SCN2A: variants seen among roughly 807,000 people sequenced by gnomAD.
The protein encoded by SCN2A is sodium voltage-gated channel alpha subunit 2.
In SCN2A, 20 loss-of-function variants were observed where a neutral mutation model predicts 188.7. The observed-to-expected ratio is 0.11, with a 90% CI of 0.07 to 0.15. SCN2A has a LOEUF of 0.15. Among genes scored for constraint, SCN2A ranks in the 10% least tolerant of loss-of-function variants. The pLI is 1.00. For synonymous variants in SCN2A, 804 were observed against 833.1 expected (o/e 0.97, Z 0.60); for missense variants, 1,278 against 2,445.0 (o/e 0.52, Z 10.07).
At chr2:165,345,589 G>A (rs1459926361) in intron 16 of SCN2A, among the ~76,000 whole-genome samples, 1 of 147,622 alleles carries the variant, frequency 6.8e-6, no homozygotes, top group African/African-American at 2.5e-5. Flanking sequence ...TCCTCCATCC[G>A]TTTTTTTTGT....
chr2:165,284,063 C>G (rs1484584080), intron 1 of SCN2A, among the ~76,000 whole-genome samples: 4 of 152,056 alleles, frequency 2.6e-5, no homozygotes, highest in Admixed American at 6.6e-5. Context: ...CTCTCTTTCT[C>G]TCTCTCTCTC....
intron 1 of SCN2A, chr2:165,271,075 T>C (rs866728210): frequency 6.6e-6 from 1 of 152,138 alleles, no homozygotes; most frequent in South Asian, 2.1e-4. Flanking sequence ...TAAAAATCTG[T>C]TCAAGCTTGT....
At chr2:165,366,844 A>AC (rs1214616044) in intron 18 of SCN2A, among the ~76,000 whole-genome samples, 2 of 152,144 alleles carry the variant, frequency 1.3e-5, no homozygotes, top group African/African-American at 4.8e-5. Context: ...CCATTAAGTG[A>AC]ACTAATCAGA....
chr2:165,381,216 C>T lies in SCN2A; in HGVS notation c.4551+19C>T. 1 of 1,496,956 alleles carries T rather than the reference C, an allele frequency of 6.7e-7. No individual in the cohort carries two copies. The highest frequency in any genetic ancestry group is 9.2e-7 in the Non-Finnish European group (1 of 1,091,850). The allele number at this position is 1,496,956 out of a possible 1,614,324, so 92.7% of individuals were successfully genotyped here. A position where few individuals can be genotyped will look rare whatever the true frequency, so the allele number is the denominator to read the frequency against. ...ACCTGCTGTAAGAATAACATATTTT[C>T]ATTGCCTGTTAAAACTATATTACCT... On this transcript the variant is annotated intron_variant, in intron 25 of 26. Transcript: ENST00000375437.
At chr2:165,288,035 C>A (rs914617293) in intron 1 of SCN2A, among the ~76,000 whole-genome samples, 1 of 152,150 alleles carries the variant, frequency 6.6e-6, no homozygotes, top group Admixed American at 6.5e-5. Context: ...TTAACTCTCC[C>A]TCATTTGATT....
intron 1 of SCN2A, among the ~76,000 whole-genome samples, chr2:165,263,698 C>G (rs1321263904): frequency 1.3e-5 from 2 of 151,846 alleles, no homozygotes; most frequent in African/African-American, 4.8e-5. Context: ...ACTATGCGGG[C>G]TCTTTTTATT....
intron 3 of SCN2A, among the ~76,000 whole-genome samples, chr2:165,299,946 TTATC>T (rs1574534189): frequency 6.6e-6 from 1 of 152,244 alleles, no homozygotes; most frequent in African/African-American, 2.4e-5. Flanking sequence ...CAAAGAGCTG[TTATC>T]TATTAGGAGC....
At chr2:165,338,421 G>A (rs1351608630) in intron 14 of SCN2A, among the ~76,000 whole-genome samples, 2 of 151,908 alleles carry the variant, frequency 1.3e-5, no homozygotes, top group African/African-American at 4.8e-5. Flanking sequence ...CACCAAGCCT[G>A]GCTAATTTTG....
intron 23 of SCN2A, among the ~76,000 whole-genome samples, chr2:165,378,644 CCA>C (rs1461806404): frequency 6.6e-6 from 1 of 151,736 alleles, no homozygotes; most frequent in Non-Finnish European, 1.5e-5. Flanking sequence ...TACCCACTTT[CCA>C]CAGTGGTTCT....
Position 165,377,793 on chromosome 2 carries a change from C to A in SCN2A, c.4308+143C>A, listed in dbSNP as rs559268750. 39 of 590,732 alleles carry A rather than the reference C, an allele frequency of 6.6e-5. 1 individual carries two copies. In the South Asian group the frequency reaches 1.0e-3, roughly 15 times the overall value. 36.6% of individuals were successfully genotyped at this position (590,732 alleles called of 1,614,324 possible). On this transcript the variant is annotated intron_variant, in intron 23 of 26. Transcript: ENST00000375437. ...ATATTATAAGGATAAAATATTTAAT[C>A]ATACTATTTCTTTCAAAATTATCAT... is the stretch of plus-strand genomic sequence containing the variant.
At chr2:165,378,925 T>C (rs1320629719) in intron 23 of SCN2A, among the ~76,000 whole-genome samples, 3 of 151,686 alleles carry the variant, frequency 2.0e-5, no homozygotes, top group East Asian at 3.9e-4. Flanking sequence ...ACCTACCAGA[T>C]TGGCAATACC....
intron 25 of SCN2A, among the ~76,000 whole-genome samples, chr2:165,382,327 A>C (rs1701645952): frequency 1.3e-5 from 2 of 152,072 alleles, no homozygotes; most frequent in Non-Finnish European, 2.9e-5. Flanking sequence ...TAATGTGAAA[A>C]GAAAGATTTT....
At chr2:165,249,375 G>A (rs1422266449) in intron 1 of SCN2A, among the ~76,000 whole-genome samples, 2 of 152,082 alleles carry the variant, frequency 1.3e-5, no homozygotes, top group Non-Finnish European at 2.9e-5. Flanking sequence ...TAGTTATTTT[G>A]TCCAGGACTT....
chr2:165,362,660 A>G (rs1296473435), intron 17 of SCN2A, among the ~76,000 whole-genome samples: 1 of 152,058 alleles, frequency 6.6e-6, no homozygotes, highest in African/African-American at 2.4e-5. Flanking sequence ...CCTAGAGTAC[A>G]TGTGTATTAT....
At position 165,288,431 on chromosome 2, in the gene SCN2A, A is replaced by T. The variant is rs185307211; in HGVS notation, c.-51-7342A>T. 7.5e-4 allele frequency among the ~76,000 whole-genome samples: 113 copies of T among 150,738 alleles called. No individual in the cohort carries two copies. The East Asian group carries it at 8.1e-3, about 11-fold the overall frequency. On this transcript the variant is annotated intron_variant, in intron 1 of 26. Coordinates refer to ENST00000375437, the MANE Select transcript of SCN2A (RefSeq NM_001040142.2). ...TTCTATTTTAAGTAGTTTCTAAATA[A>T]TTTTTTTTTATTTCAAGAAAGAGAA... is the stretch of plus-strand genomic sequence containing the variant.
At chr2:165,250,422 T>C (rs1694034088) in intron 1 of SCN2A, among the ~76,000 whole-genome samples, 1 of 151,918 alleles carries the variant, frequency 6.6e-6, no homozygotes, top group South Asian at 2.1e-4. Context: ...ATATAGTATA[T>C]AGAAAATTTT....
intron 7 of SCN2A, 63 bp from the exon 8 acceptor site, chr2:165,311,962 C>A: frequency 8.8e-7 from 1 of 1,141,610 alleles, no homozygotes; most frequent in Non-Finnish European, 1.3e-6. Context: ...GCCACCTAAA[C>A]AGGGTGGCTG....
intron 1 of SCN2A, chr2:165,267,100 A>G (rs780492707): frequency 6.6e-6 from 1 of 152,058 alleles, no homozygotes; most frequent in Non-Finnish European, 1.5e-5. Flanking sequence ...TGTGGATTCA[A>G]TGAAATCCGT....
At chr2:165,304,315 A>C (rs1047347797) in intron 3 of SCN2A, among the ~76,000 whole-genome samples, 2 of 152,146 alleles carry the variant, frequency 1.3e-5, no homozygotes, top group African/African-American at 2.4e-5. Flanking sequence ...GGCTGGTCTC[A>C]AACTCCTAAC....
Sources: allele counts gnomAD v4.1 joint callset (sites outside exome capture counted in the v4.1 genomes callset), GRCh38; gene constraint gnomAD v4.1.1; transcripts MANE v1.5; gene names NCBI Gene and HGNC (gene_info 2026-07-23, HGNC 2026-07-21).